The following KIF26B variants were observed in gnomAD, a reference collection of about 807,000 sequenced individuals.
The protein encoded by KIF26B is kinesin-like protein KIF26B.
KIF26B carries 63 observed loss-of-function variants against 151.2 expected under a neutral mutation model. The ratio of observed to expected loss-of-function variants is 0.42; its 90% confidence interval spans 0.34 to 0.51. KIF26B has a LOEUF of 0.51. Ranked by LOEUF, KIF26B falls within the 20% of genes least tolerant of loss-of-function variation. The pLI is 0.07. For synonymous variants in KIF26B, 1,357 were observed against 1,262.1 expected, an observed-to-expected ratio of 1.08 and a Z score of -1.59; for missense variants, 2,813 against 2,913.6, an observed-to-expected ratio of 0.97 and a Z score of 0.79.
At chr1:245,230,256 C>T (rs1315361289) in intron 2 of KIF26B, among the ~76,000 whole-genome samples, 2 of 151,880 alleles carry the variant, frequency 1.3e-5, no homozygotes, top group African/African-American at 4.8e-5. Flanking sequence ...AGCAGCAGAG[C>T]TAACTCCCAG....
rs1430555389 is a variant in KIF26B, at chr1:245,336,006, GTCCCACGCAGGGAGA to G, written c.466-30827_466-30813del. On this transcript the variant is annotated intron_variant, in intron 2 of 14. Coordinates refer to ENST00000407071, the MANE Select transcript of KIF26B (RefSeq NM_018012.4). ...GAGGGTCCCACGCAGGGAAAGGAGA[GTCCCACGCAGGGAGA>G]GTCCCACGCAGGGAAAGGAGGGTCC... Among the ~76,000 whole-genome samples the G allele has an allele frequency of 3.6e-3, 424 of 116,982 alleles. 19 individuals carry two copies. The highest frequency in any genetic ancestry group is 0.012 in the East Asian group (44 of 3,680). The allele number at this position is 116,982 out of a possible 152,430, so 76.7% of individuals were successfully genotyped here.
chr1:245,250,814 T>G (rs989959005), intron 2 of KIF26B, among the ~76,000 whole-genome samples: 2 of 152,230 alleles, frequency 1.3e-5, no homozygotes, highest in African/African-American at 4.8e-5. Context: ...TTTAGGATAT[T>G]TGAATGTAAA....
At chr1:245,451,440 G>C (rs1406898873) in intron 4 of KIF26B, among the ~76,000 whole-genome samples, 2 of 151,664 alleles carry the variant, frequency 1.3e-5, no homozygotes, top group African/African-American at 2.4e-5. Flanking sequence ...ATTATGATCA[G>C]ATAATATTGT....
chr1:245,466,157 A>G (rs1485948230), intron 4 of KIF26B, among the ~76,000 whole-genome samples: 1 of 150,546 alleles, frequency 6.6e-6, no homozygotes, highest in Non-Finnish European at 1.5e-5. Flanking sequence ...CAGACTGTAG[A>G]GTAAGAGTCT....
chr1:245,195,311 G>A (rs1669171442), intron 2 of KIF26B, among the ~76,000 whole-genome samples: 1 of 152,104 alleles, frequency 6.6e-6, no homozygotes, highest in Non-Finnish European at 1.5e-5. Flanking sequence ...CTGACTTTGG[G>A]GAGTCGTAGT....
chr1:245,334,574 AGT>A (rs748462618), intron 2 of KIF26B, among the ~76,000 whole-genome samples: 1 of 152,184 alleles, frequency 6.6e-6, no homozygotes, highest in Non-Finnish European at 1.5e-5. Flanking sequence ...CCTTCAGAAG[AGT>A]GACCTCCATC....
chr1:245,433,164 A>T (rs1041290009), intron 4 of KIF26B, among the ~76,000 whole-genome samples: 2 of 152,158 alleles, frequency 1.3e-5, no homozygotes, highest in Non-Finnish European at 2.9e-5. Flanking sequence ...AGAGACTCAA[A>T]TATTTAAAAG....
chr1:245,285,119 C>T (rs938085903), intron 2 of KIF26B, among the ~76,000 whole-genome samples: 7 of 152,212 alleles, frequency 4.6e-5, no homozygotes, highest in Admixed American at 3.9e-4. Context: ...GTCTGCTGGT[C>T]CAGGCTGTGC....
In KIF26B at chr1:245,375,167, A is replaced by G. The variant is rs2103014953; in HGVS notation, c.999+7800A>G. Among the ~76,000 whole-genome samples the G allele has an allele frequency of 6.6e-6, 1 of 152,062 alleles. No individual in the cohort carries two copies. Among genetic ancestry groups the G allele is most frequent in the Non-Finnish European group, 1.5e-5 (1 of 67,992 alleles). On this transcript the variant is annotated intron_variant, in intron 3 of 14. Coordinates refer to ENST00000407071, the MANE Select transcript of KIF26B (RefSeq NM_018012.4). The surrounding 1 kb of genome is among the most constrained non-coding windows in gnomAD (Gnocchi z 4.2). ...AATGGTGCGAGCTTGGCTCACTGCAACCTCCACCTCCCAGGTTCAAGCGAT... is the reference window on the plus strand; with the variant it reads ...AATGGTGCGAGCTTGGCTCACTGCAGCCTCCACCTCCCAGGTTCAAGCGAT...
chr1:245,304,001 A>C (rs1671490366), intron 2 of KIF26B, among the ~76,000 whole-genome samples: 1 of 152,220 alleles, frequency 6.6e-6, no homozygotes, highest in Non-Finnish European at 1.5e-5. Flanking sequence ...CAACTCCACC[A>C]TCTTCCCTGC....
intron 2 of KIF26B, among the ~76,000 whole-genome samples, chr1:245,344,097 C>T (rs1021151435): frequency 2.0e-5 from 3 of 151,634 alleles, no homozygotes; most frequent in Non-Finnish European, 4.4e-5. Flanking sequence ...CCCTCCCTCC[C>T]TCTTTTCTTT....
chr1:245,686,891 G>A lies in KIF26B; in HGVS notation c.3908G>A (p.Cys1303Tyr), dbSNP rs1279463099. The part of the protein sequence containing the change: ...QSCHSFIAQT[C>Y]FGHGEAMAEP... ...TGCCACAGTTTCATAGCCCAGACGT[G>A]TTTTGGGCACGGGGAGGCAATGGCA... The change falls in exon 12 of 15, where the codon TGT (cysteine) becomes TAT (tyrosine). Residue 1303 changes from cysteine (C) to tyrosine (Y), a missense_variant. This residue lies in a region of KIF26B where 2,060 missense variants were observed against 2,088.6 expected (regional missense o/e 0.99). Transcript: ENST00000407071. The surrounding 1 kb of genome is among the most constrained non-coding windows in gnomAD (Gnocchi z 5.6). The A allele has an allele frequency of 4.3e-6, 7 of 1,613,462 alleles. No individual in the cohort carries two copies. The Admixed American group carries it at 5.0e-5, about 12-fold the overall frequency.
intron 10 of KIF26B, among the ~76,000 whole-genome samples, chr1:245,668,010 C>G (rs981162754): frequency 5.3e-5 from 8 of 152,194 alleles, no homozygotes; most frequent in Non-Finnish European, 1.0e-4. Flanking sequence ...ATTCTCCTGC[C>G]TCAGCCTCCC....
chr1:245,594,410 AT>A (rs1431062049), intron 5 of KIF26B, among the ~76,000 whole-genome samples: 1 of 152,138 alleles, frequency 6.6e-6, no homozygotes, highest in Non-Finnish European at 1.5e-5. Flanking sequence ...TCCCAACACC[AT>A]TTATTAAATA....
chr1:245,321,658 C>T (rs1363891523), intron 2 of KIF26B, among the ~76,000 whole-genome samples: 1 of 152,174 alleles, frequency 6.6e-6, no homozygotes, highest in Non-Finnish European at 1.5e-5. Flanking sequence ...AACAGCTTGC[C>T]CAAGTAAAGA....
rs112277370 is a variant in KIF26B, at chr1:245,250,131, C to T, written c.465+93448C>T. On this transcript the variant is annotated intron_variant, in intron 2 of 14. Coordinates refer to ENST00000407071, the MANE Select transcript of KIF26B (RefSeq NM_018012.4). ...TGTTTTTTAATAGAAACATTATTGT[C>T]GAAGGCTTCTTATTTCCCTCTTCTT... Among the ~76,000 whole-genome samples, 741 of 152,198 alleles carry T rather than the reference C, an allele frequency of 4.9e-3. 2 individuals carry two copies. The highest frequency in any genetic ancestry group is 0.017 in the African/African-American group (717 of 41,528).
chr1:245,631,727 G>C (rs1174625562), intron 9 of KIF26B, among the ~76,000 whole-genome samples: 1 of 151,914 alleles, frequency 6.6e-6, no homozygotes, highest in Non-Finnish European at 1.5e-5. Context: ...TTCTTTGTTG[G>C]GGAACTTTTT....
chr1:245,483,874 G>A lies in KIF26B; in HGVS notation c.1167-56893G>A, dbSNP rs191938873. 8.6e-5 allele frequency among the ~76,000 whole-genome samples: 13 copies of A among 151,878 alleles called. No homozygotes were observed. The South Asian group carries it at 2.3e-3, about 27-fold the overall frequency. Reference sequence around the variant, plus strand: ...TTTAGTGTAGCGAAGGCTTCTCCTCGTTCTTTTCTACTCTTAGTAATGTAT... The same window carrying A: ...TTTAGTGTAGCGAAGGCTTCTCCTCATTCTTTTCTACTCTTAGTAATGTAT... On this transcript the variant is annotated intron_variant, in intron 4 of 14. Coordinates refer to ENST00000407071, the MANE Select transcript of KIF26B (RefSeq NM_018012.4).
At chr1:245,206,256 A>G (rs533237635) in intron 2 of KIF26B, among the ~76,000 whole-genome samples, 1 of 152,222 alleles carries the variant, frequency 6.6e-6, no homozygotes, top group African/African-American at 2.4e-5. Context: ...CAGAAATGGT[A>G]TATTTGGGTA....
Sources: gnomAD v4.1 joint callset for allele counts (sites outside exome capture counted in the v4.1 genomes callset) on GRCh38, gnomAD v4.1.1 for gene constraint, gnomAD v4.1.1 regional missense constraint, Gnocchi (gnomAD v3.1) non-coding constraint, MANE v1.5 for transcripts, NCBI Gene and HGNC (gene_info 2026-07-23, HGNC 2026-07-21) for gene names.